RBM27: variants seen among roughly 807,000 people sequenced by gnomAD.
RBM27 encodes the protein RNA-binding protein 27.
RBM27 carries 22 observed loss-of-function variants against 135.3 expected under a neutral mutation model. That is an observed-to-expected ratio of 0.16 (90% CI 0.12 to 0.23). The LOEUF is 0.23. Among genes scored for constraint, RBM27 ranks in the 10% least tolerant of loss-of-function variants. The pLI, the probability that RBM27 is intolerant of heterozygous loss-of-function variation, is 1.00. For synonymous variants in RBM27, 481 were observed against 442.4 expected (o/e 1.09, Z -1.10); for missense variants, 1,009 against 1,281.0 (o/e 0.79, Z 3.24).
chr5:146,216,239 G>C (rs762743569), intron 1 of RBM27, among the ~76,000 whole-genome samples: 2 of 152,032 alleles, frequency 1.3e-5, no homozygotes, highest in African/African-American at 4.8e-5. Context: ...TGTAGAAGCA[G>C]GTTTTCACCA....
At chr5:146,256,728 G>A (rs917013349) in intron 10 of RBM27, among the ~76,000 whole-genome samples, 1 of 152,092 alleles carries the variant, frequency 6.6e-6, no homozygotes, top group Non-Finnish European at 1.5e-5. Flanking sequence ...GCTTAGAGAG[G>A]TTTAAAGAAC....
chr5:146,228,883 G>A (rs1756801963), intron 3 of RBM27, 63 bp from the exon 4 acceptor site: 4 of 1,343,768 alleles, frequency 3.0e-6, no homozygotes, highest in Non-Finnish European at 3.2e-6. Flanking sequence ...AAAATGTTGG[G>A]ATTACAGGTG....
At position 146,229,784 on chromosome 5, in the gene RBM27, T is replaced by C; in HGVS notation, c.463T>C (p.Leu155=). The part of the protein sequence containing the change: ...DYDRYYERNE[L]YREKYDWRRG... ...TGACCGGTACTATGAGCGGAATGAATTGTACCGTGAGAAGTATGACTGGAG... is the reference window on the plus strand; with the variant it reads ...TGACCGGTACTATGAGCGGAATGAACTGTACCGTGAGAAGTATGACTGGAG... The change falls in exon 5 of 21, where the codon TTG becomes CTG. Residue 155 remains leucine, a synonymous_variant. Coordinates refer to ENST00000265271, the MANE Select transcript of RBM27 (RefSeq NM_018989.2). 1 of 1,613,520 alleles carries C rather than the reference T, an allele frequency of 6.2e-7. No individual in the cohort carries two copies. Among genetic ancestry groups the C allele is most frequent in the South Asian group, 1.1e-5 (1 of 91,042 alleles).
At chr5:146,271,167 G>A (rs1758846648) in intron 18 of RBM27, 109 bp downstream of exon 18, 1 of 723,316 alleles carries the variant, frequency 1.4e-6, no homozygotes, top group Non-Finnish European at 2.3e-6. Flanking sequence ...TTGGGAGGCC[G>A]AGGCGGGTGG....
At chr5:146,280,594 A>G (rs927843503) in intron 19 of RBM27, among the ~76,000 whole-genome samples, 13 of 152,236 alleles carry the variant, frequency 8.5e-5, no homozygotes, top group East Asian at 1.9e-4. Context: ...TCACTTTATG[A>G]TAGTCACCTT....
chr5:146,249,342 T>A (rs1757778969), intron 8 of RBM27, among the ~76,000 whole-genome samples: 1 of 152,146 alleles, frequency 6.6e-6, no homozygotes, highest in South Asian at 2.1e-4. Context: ...CACAAGTAAT[T>A]CCCTGCCATT....
At chr5:146,240,906 A>G (rs991929962) in intron 8 of RBM27, among the ~76,000 whole-genome samples, 2 of 152,180 alleles carry the variant, frequency 1.3e-5, no homozygotes, top group African/African-American at 4.8e-5. Flanking sequence ...ATAAAAGTAA[A>G]GAGGACAGTA....
In RBM27 at chr5:146,287,649, G is replaced by C. The variant is rs550895662; in HGVS notation, c.*1619G>C. The stretch of plus-strand genomic sequence containing the variant: ...TTCTAGATTTACTTAGCTATAAGAA[G>C]TTAAATCCCACGTTCTGATAATCTT... On this transcript the variant is annotated 3_prime_UTR_variant, in exon 21 of 21. Transcript: ENST00000265271. 6.6e-6 allele frequency: 1 copy of C among 152,218 alleles called. No individual in the cohort carries two copies. The highest frequency in any genetic ancestry group is 2.1e-4 in the South Asian group (1 of 4,820). 9.4% of individuals were successfully genotyped at this position (152,218 alleles called of 1,614,324 possible).
At chr5:146,238,632 G>A (rs1453588490) in intron 8 of RBM27, among the ~76,000 whole-genome samples, 1 of 150,832 alleles carries the variant, frequency 6.6e-6, no homozygotes, top group Non-Finnish European at 1.5e-5. Flanking sequence ...AAGGTAGTTG[G>A]TTGTTAAAAA....
At chr5:146,214,412 G>A (rs893041071) in intron 1 of RBM27, among the ~76,000 whole-genome samples, 1 of 152,158 alleles carries the variant, frequency 6.6e-6, no homozygotes, top group Non-Finnish European at 1.5e-5. Flanking sequence ...TCCTGAGTAT[G>A]AGAAGAAAGA....
chr5:146,278,958 TG>T (rs747820887), intron 19 of RBM27, among the ~76,000 whole-genome samples: 18 of 151,678 alleles, frequency 1.2e-4, no homozygotes, highest in Non-Finnish European at 2.1e-4. Context: ...CCTGACCTCG[TG>T]ATCTGCCCGC....
At chr5:146,222,698 A>G (rs2126721575) in intron 2 of RBM27, among the ~76,000 whole-genome samples, 1 of 152,158 alleles carries the variant, frequency 6.6e-6, no homozygotes, top group Non-Finnish European at 1.5e-5. Context: ...ACAAACAAAC[A>G]AAAAAAAGCA....
chr5:146,251,629 C>G (rs940953145), intron 8 of RBM27, 82 bp from the exon 9 acceptor site: 1 of 1,358,940 alleles, frequency 7.4e-7, no homozygotes. Context: ...GTTTTTGGCT[C>G]AAAGTCTCAG....
intron 11 of RBM27, among the ~76,000 whole-genome samples, chr5:146,259,440 G>A (rs960198995): frequency 6.9e-6 from 1 of 145,638 alleles, no homozygotes; most frequent in African/African-American, 2.6e-5. Flanking sequence ...GGAGGCGGAG[G>A]TTGCAGTGAG....
At chr5:146,241,977 C>A (rs569364808) in intron 8 of RBM27, among the ~76,000 whole-genome samples, 2 of 151,958 alleles carry the variant, frequency 1.3e-5, no homozygotes, top group South Asian at 4.2e-4. Flanking sequence ...TTTTAGTAGG[C>A]ACAGGTTCTT....
At chr5:146,206,427 A>T (rs1581125321) in intron 1 of RBM27, among the ~76,000 whole-genome samples, 2 of 135,164 alleles carry the variant, frequency 1.5e-5, no homozygotes, top group African/African-American at 5.5e-5. Context: ...ATCATTCTGT[A>T]ATTTTCATGA....
chr5:146,207,577 G>T (rs1055393906), intron 1 of RBM27, among the ~76,000 whole-genome samples: 6 of 150,984 alleles, frequency 4.0e-5, no homozygotes, highest in African/African-American at 1.2e-4. Context: ...TTAAATTTAT[G>T]AAAGCTTCCA....
At chr5:146,227,086 C>T (rs1023497850) in intron 3 of RBM27, among the ~76,000 whole-genome samples, 2 of 152,162 alleles carry the variant, frequency 1.3e-5, no homozygotes, top group Non-Finnish European at 2.9e-5. Context: ...TCTTCGGCTA[C>T]ATTGGGTTCC....
chr5:146,211,464 C>CTTTTTTTTTTTTTTTTTTTTTTTTTTTT lies in RBM27; in HGVS notation c.60-7518_60-7491dup, dbSNP rs57117642. ...CTTACTTTGTCCAGTATGGTCTTATCTTTTTTTTTTTTTTTTTTTTTTTTT... is the reference window on the plus strand; with the variant it reads ...CTTACTTTGTCCAGTATGGTCTTATCTTTTTTTTTTTTTTTTTTTTTTTTTTTTTTTTTTTTTTTTTTTTTTTTTTTTT... On this transcript the variant is annotated intron_variant, in intron 1 of 20. Coordinates refer to ENST00000265271, the MANE Select transcript of RBM27 (RefSeq NM_018989.2). Among the ~76,000 whole-genome samples the CTTTTTTTTTTTTTTTTTTTTTTTTTTTT allele has an allele frequency of 2.2e-4, 11 of 49,902 alleles. 1 individual carries two copies. The highest frequency in any genetic ancestry group is 3.0e-4 in the Non-Finnish European group (8 of 26,920). The allele number at this position is 49,902 out of a possible 152,430, so 32.7% of individuals were successfully genotyped here. A position where few individuals can be genotyped will look rare whatever the true frequency, so the allele number is the denominator to read the frequency against.
Sources: gnomAD v4.1 joint callset for allele counts (sites outside exome capture counted in the v4.1 genomes callset) on GRCh38, gnomAD v4.1.1 for gene constraint, MANE v1.5 for transcripts, NCBI Gene and HGNC (gene_info 2026-07-23, HGNC 2026-07-21) for gene names.